The following ARHGEF26 variants were observed in gnomAD, a reference collection of about 807,000 sequenced individuals.
ARHGEF26 encodes Rho guanine nucleotide exchange factor (GEF) 26.
In ARHGEF26, 59 loss-of-function variants were observed where a neutral mutation model predicts 89.4. That is an observed-to-expected ratio of 0.66 (90% CI 0.54 to 0.82). The LOEUF is 0.82. ARHGEF26 is among the 40% of genes least tolerant of loss of function. The pLI is 0.00. For missense variants in ARHGEF26, 1,234 were observed against 1,085.6 expected, an observed-to-expected ratio of 1.14 and a Z score of -1.92; for synonymous variants, 500 against 428.4, an observed-to-expected ratio of 1.17 and a Z score of -2.06.
At chr3:154,129,304 G>A (rs1019714312) in intron 3 of ARHGEF26, among the ~76,000 whole-genome samples, 9 of 152,164 alleles carry the variant, frequency 5.9e-5, no homozygotes, top group African/African-American at 2.2e-4. Flanking sequence ...AGGCCTGACT[G>A]TCCTTCATGA....
In ARHGEF26 at chr3:154,129,597, T is replaced by C; in HGVS notation, c.1147T>C (p.Tyr383His). ...GEENAVLYQN[Y>H]KEKALDIDSD... ...AGAAAATGCTGTCCTGTATCAAAAC[T>C]ACAAGGAAAAGGCCCTTGACATTGA... is the stretch of plus-strand genomic sequence containing the variant. The change falls in exon 4 of 15, where the codon TAC becomes CAC. Residue 383 changes from tyrosine (Y) to histidine (H), a missense_variant. Transcript: ENST00000465093. 6.2e-7 allele frequency: 1 copy of C among 1,611,886 alleles called. No individual in the cohort carries two copies. Among genetic ancestry groups the C allele is most frequent in the Non-Finnish European group, 8.5e-7 (1 of 1,178,956 alleles).
intron 6 of ARHGEF26, among the ~76,000 whole-genome samples, chr3:154,182,687 C>T (rs935623909): frequency 4.7e-4 from 71 of 152,266 alleles, no homozygotes; most frequent in African/African-American, 1.7e-3. Flanking sequence ...TGAGGGTTGG[C>T]CAGTAGTAAC....
Position 154,257,136 on chromosome 3 carries a change from C to G in ARHGEF26, c.*1663C>G, listed in dbSNP as rs1303797308. On this transcript the variant is annotated 3_prime_UTR_variant, in exon 15 of 15. Coordinates refer to ENST00000465093, the MANE Select transcript of ARHGEF26 (RefSeq NM_015595.4). ...GGTAAGTGTGCCTGGCTCACACAGC[C>G]TGCACCCTGTCACCTCGGCAATGAG... 12 of 815,172 alleles carry G rather than the reference C, an allele frequency of 1.5e-5. No homozygotes were observed. Among genetic ancestry groups the G allele is most frequent in the African/African-American group, 5.3e-5 (3 of 56,788 alleles). 50.5% of individuals were successfully genotyped at this position (815,172 alleles called of 1,614,324 possible).
chr3:154,135,453 C>A lies in ARHGEF26; in HGVS notation c.1269+5734C>A, dbSNP rs371446497. Among the ~76,000 whole-genome samples, 30 of 152,088 alleles carry A rather than the reference C, an allele frequency of 2.0e-4. No individual in the cohort carries two copies. The South Asian group carries it at 6.2e-3, about 32-fold the overall frequency. ...CTTGTCCTGAAATAATGTTAATGGTCGTAGTTCCCAGTTTGGGTTGGTCAA... is the reference window on the plus strand; with the variant it reads ...CTTGTCCTGAAATAATGTTAATGGTAGTAGTTCCCAGTTTGGGTTGGTCAA... On this transcript the variant is annotated intron_variant, in intron 4 of 14. Coordinates refer to ENST00000465093, the MANE Select transcript of ARHGEF26 (RefSeq NM_015595.4).
At chr3:154,218,278 C>T (rs1359666090) in intron 10 of ARHGEF26, among the ~76,000 whole-genome samples, 1 of 152,154 alleles carries the variant, frequency 6.6e-6, no homozygotes, top group Non-Finnish European at 1.5e-5. Context: ...GAGATTCCTT[C>T]ATTATTCTCA....
intron 12 of ARHGEF26, among the ~76,000 whole-genome samples, chr3:154,241,666 A>C (rs763435248): frequency 6.6e-5 from 10 of 152,222 alleles, no homozygotes; most frequent in Non-Finnish European, 1.5e-4. Flanking sequence ...TCAACTTCCA[A>C]CACAGCATGG....
At chr3:154,229,965 T>G (rs998398756) in intron 11 of ARHGEF26, among the ~76,000 whole-genome samples, 1 of 152,250 alleles carries the variant, frequency 6.6e-6, no homozygotes, top group African/African-American at 2.4e-5. Context: ...ATAATAAAGA[T>G]GAATTACAGA....
intron 10 of ARHGEF26, among the ~76,000 whole-genome samples, chr3:154,222,336 T>C (rs1343594752): frequency 6.6e-6 from 1 of 152,160 alleles, no homozygotes; most frequent in African/African-American, 2.4e-5. Context: ...TGCAGTAATA[T>C]GAGAGGAGAT....
At chr3:154,202,075 T>A (rs1347827746) in intron 9 of ARHGEF26, among the ~76,000 whole-genome samples, 1 of 152,242 alleles carries the variant, frequency 6.6e-6, no homozygotes, top group Non-Finnish European at 1.5e-5. Context: ...ATGAAGTCCT[T>A]GCCCATGCCT....
intron 10 of ARHGEF26, among the ~76,000 whole-genome samples, chr3:154,223,167 A>T (rs1576799169): frequency 6.6e-6 from 1 of 152,182 alleles, no homozygotes; most frequent in African/African-American, 2.4e-5. Context: ...GGAGACATAC[A>T]TTCAGTGTGA....
chr3:154,206,475 G>A (rs1279690402), intron 9 of ARHGEF26, among the ~76,000 whole-genome samples: 2 of 151,988 alleles, frequency 1.3e-5, no homozygotes, highest in Admixed American at 6.6e-5. Context: ...AAGAGTGGGC[G>A]ATCCAAGAGC....
chr3:154,128,055 A>C (rs1220514659), intron 3 of ARHGEF26, among the ~76,000 whole-genome samples: 1 of 152,130 alleles, frequency 6.6e-6, no homozygotes, highest in Non-Finnish European at 1.5e-5. Context: ...GCCAGACTAG[A>C]TCACACCCTA....
intron 5 of ARHGEF26, among the ~76,000 whole-genome samples, chr3:154,152,463 C>T (rs2044757): frequency 0.14 from 21,883 of 152,014 alleles, 1,870 homozygotes; most frequent in East Asian, 0.36. Flanking sequence ...TATGACATGC[C>T]CTCGCTTCCT....
chr3:154,200,787 T>A (rs931123562), intron 9 of ARHGEF26, among the ~76,000 whole-genome samples: 1 of 151,942 alleles, frequency 6.6e-6, no homozygotes, highest in African/African-American at 2.4e-5. Context: ...GTTTCATAGT[T>A]TTTCTTATAG....
chr3:154,242,014 C>T (rs753563229), intron 12 of ARHGEF26, among the ~76,000 whole-genome samples: 4 of 152,102 alleles, frequency 2.6e-5, no homozygotes, highest in Admixed American at 1.3e-4. Flanking sequence ...TGTCAAGAGA[C>T]ATAAGAAAAA....
rs1469009191 is a variant in ARHGEF26 at position 154,219,442 on chromosome 3, A to G, written c.1935+1484A>G. 2.0e-5 allele frequency among the ~76,000 whole-genome samples: 3 copies of G among 152,024 alleles called. No individual in the cohort carries two copies. In the East Asian group the frequency reaches 5.8e-4, roughly 29 times the overall value. On this transcript the variant is annotated intron_variant, in intron 10 of 14. Coordinates refer to ENST00000465093, the MANE Select transcript of ARHGEF26 (RefSeq NM_015595.4). Reference sequence around the variant, plus strand: ...AAACCCTGTCTCTACTAAAAATACAAAAATTAGCCGGGTGTAGTGGCAGGC... The same window carrying G: ...AAACCCTGTCTCTACTAAAAATACAGAAATTAGCCGGGTGTAGTGGCAGGC...
intron 4 of ARHGEF26, among the ~76,000 whole-genome samples, chr3:154,142,042 G>C (rs79044738): frequency 0.011 from 1,689 of 152,256 alleles, 25 homozygotes; most frequent in African/African-American, 0.038. Context: ...ATGATATTTT[G>C]AAAGGATGTA....
At chr3:154,121,197 T>A (rs1436775764), upstream of ARHGEF26, 1 of 152,320 alleles carries the variant, frequency 6.6e-6, no homozygotes, top group African/African-American at 2.4e-5. Flanking sequence ...AGTCCGCAAC[T>A]TCTAGCCCCA....
chr3:154,173,651 T>G (rs1203369313), intron 6 of ARHGEF26, among the ~76,000 whole-genome samples: 2 of 152,228 alleles, frequency 1.3e-5, no homozygotes, highest in African/African-American at 4.8e-5. Context: ...TATGAGAAAC[T>G]TTTCAGGAGT....
Sources: allele counts gnomAD v4.1 joint callset (sites outside exome capture counted in the v4.1 genomes callset), GRCh38; gene constraint gnomAD v4.1.1; transcripts MANE v1.5; gene names NCBI Gene and HGNC (gene_info 2026-07-23, HGNC 2026-07-21).